The following KIAA0825 variants were observed in gnomAD, a reference collection of about 807,000 sequenced individuals.
KIAA0825 encodes the protein uncharacterized protein KIAA0825.
KIAA0825 carries 119 observed loss-of-function variants against 147.6 expected under a neutral mutation model. The ratio of observed to expected loss-of-function variants is 0.81; its 90% CI spans 0.69 to 0.94. KIAA0825 has a LOEUF of 0.94. KIAA0825 is among the 40% of genes least tolerant of loss of function. The probability of loss-of-function intolerance (pLI) is 0.00; values close to 1 mark genes in which losing one functional copy is unlikely to be tolerated. For synonymous variants in KIAA0825, 470 were observed against 518.1 expected (o/e 0.91, Z 1.26); for missense variants, 1,381 against 1,472.7 (o/e 0.94, Z 1.02).
At chr5:94,551,159 G>T (rs1436384065) in intron 2 of KIAA0825, among the ~76,000 whole-genome samples, 2 of 151,476 alleles carry the variant, frequency 1.3e-5, no homozygotes, top group African/African-American at 4.9e-5. Context: ...CTTAAAGACA[G>T]GCTTTTGAAA....
At chr5:94,317,499 T>A (rs1779762989) in intron 20 of KIAA0825, among the ~76,000 whole-genome samples, 1 of 151,882 alleles carries the variant, frequency 6.6e-6, no homozygotes, top group Admixed American at 6.6e-5. Context: ...ACACACATTG[T>A]TACTGAAGCC....
In KIAA0825 at chr5:94,328,762, A is replaced by C. The variant is rs548174468; in HGVS notation, c.3710+55606T>G. On this transcript the variant is annotated intron_variant, in intron 20 of 20. Transcript: ENST00000682413. ...AAATGTTACAATGAGAGCTAGAAAA[A>C]AAAAACTGCAGATGTTCCTTTGCAA... 1.8e-4 allele frequency among the ~76,000 whole-genome samples: 27 copies of C among 152,146 alleles called. 1 individual carries two copies. In the South Asian group the frequency reaches 5.2e-3, roughly 29 times the overall value.
At chr5:94,459,026 T>G (rs1759488747) in intron 12 of KIAA0825, among the ~76,000 whole-genome samples, 1 of 152,150 alleles carries the variant, frequency 6.6e-6, no homozygotes, top group Admixed American at 6.6e-5. Context: ...ACTCTCTGTC[T>G]CTATGGATTT....
intron 5 of KIAA0825, among the ~76,000 whole-genome samples, chr5:94,501,496 G>T (rs1424414404): frequency 2.6e-5 from 4 of 152,198 alleles, no homozygotes; most frequent in African/African-American, 4.8e-5. Flanking sequence ...AGACAAGTCT[G>T]ACTCCAAAGC....
chr5:94,462,726 A>G (rs1280582512), intron 11 of KIAA0825, among the ~76,000 whole-genome samples, 157 bp from the exon 12 acceptor site: 1 of 151,846 alleles, frequency 6.6e-6, no homozygotes, highest in Non-Finnish European at 1.5e-5. Flanking sequence ...AGAAAGTATC[A>G]AAGACACTCT....
chr5:94,161,491 T>C (rs1389518255), intron 20 of KIAA0825, among the ~76,000 whole-genome samples: 3 of 152,192 alleles, frequency 2.0e-5, no homozygotes. Flanking sequence ...GACTAATGTG[T>C]GATCATCCTT....
rs1562517749 is a variant in KIAA0825 at position 94,458,755 on chromosome 5, A to ATT, written c.2246+3631_2246+3632insAA. 1.4e-3 allele frequency among the ~76,000 whole-genome samples: 215 copies of ATT among 151,414 alleles called. 1 individual carries two copies. The highest frequency in any genetic ancestry group is 4.6e-3 in the African/African-American group (188 of 40,944). ...ATTCTGCCAGATACCTTTTTTTTAA[A>ATT]AAAAAAAAATCATTTTAAATGTGTT... On this transcript the variant is annotated intron_variant, in intron 12 of 20. Transcript: ENST00000682413.
Position 94,152,638 on chromosome 5 carries a change from C to A in KIAA0825, c.*1369G>T, listed in dbSNP as rs768099582. On this transcript the variant is annotated 3_prime_UTR_variant, in exon 21 of 21. Coordinates refer to ENST00000682413, the MANE Select transcript of KIAA0825 (RefSeq NM_001145678.3). ...TCCAGCCTGGGCAACATAGTGAGAC[C>A]TCATCTTTACAAAAAAATTAAAAAA... is the stretch of plus-strand genomic sequence containing the variant. Among the ~76,000 whole-genome samples the A allele has an allele frequency of 4.6e-4, 69 of 149,488 alleles. No homozygotes were observed. Among genetic ancestry groups the A allele is most frequent in the Non-Finnish European group, 9.5e-4 (64 of 67,384 alleles).
At chr5:94,295,293 A>G (rs1778085611) in intron 20 of KIAA0825, among the ~76,000 whole-genome samples, 1 of 151,792 alleles carries the variant, frequency 6.6e-6, no homozygotes, top group Admixed American at 6.6e-5. Flanking sequence ...TTCTTCTCTA[A>G]ACTGGTTATT....
At chr5:94,321,877 T>G (rs1180899890) in intron 20 of KIAA0825, among the ~76,000 whole-genome samples, 2 of 151,962 alleles carry the variant, frequency 1.3e-5, no homozygotes, top group Non-Finnish European at 2.9e-5. Flanking sequence ...GAGCAAGACT[T>G]TATCATAGAA....
intron 18 of KIAA0825, among the ~76,000 whole-genome samples, chr5:94,388,920 G>A (rs527287823): frequency 1.3e-5 from 2 of 152,258 alleles, no homozygotes; most frequent in African/African-American, 2.4e-5. Flanking sequence ...CTGTCAGTCT[G>A]ATGACCTCAA....
intron 1 of KIAA0825, among the ~76,000 whole-genome samples, chr5:94,613,761 C>T (rs1789585501): frequency 6.6e-6 from 1 of 152,200 alleles, no homozygotes; most frequent in South Asian, 2.1e-4. Flanking sequence ...GTTATGGATC[C>T]TCCAGAAGGG....
intron 2 of KIAA0825, chr5:94,568,719 C>T (rs1779251326): frequency 6.5e-6 from 1 of 152,852 alleles, no homozygotes; most frequent in African/African-American, 2.4e-5. Context: ...GGATTCTATC[C>T]CTGTATTATT....
In KIAA0825 at chr5:94,548,778, A is replaced by T. The variant is rs145945116; in HGVS notation, c.-1-11651T>A. 7.2e-5 allele frequency among the ~76,000 whole-genome samples: 11 copies of T among 152,308 alleles called. No homozygotes were observed. The East Asian group carries it at 2.1e-3, about 29-fold the overall frequency. ...AAACAAACAAAAGGCAGCAGTAGATATACTTGTATCAGACAAAATAGATTT... is the reference window on the plus strand; with the variant it reads ...AAACAAACAAAAGGCAGCAGTAGATTTACTTGTATCAGACAAAATAGATTT... On this transcript the variant is annotated intron_variant, in intron 2 of 20. Coordinates refer to ENST00000682413, the MANE Select transcript of KIAA0825 (RefSeq NM_001145678.3).
chr5:94,479,133 CTT>C (rs1274614862), intron 6 of KIAA0825, among the ~76,000 whole-genome samples: 2 of 152,104 alleles, frequency 1.3e-5, no homozygotes, highest in East Asian at 3.8e-4. Flanking sequence ...AGGGTTCACT[CTT>C]TGTGTTGTGC....
At chr5:94,355,651 G>T (rs549010849) in intron 20 of KIAA0825, among the ~76,000 whole-genome samples, 4 of 151,820 alleles carry the variant, frequency 2.6e-5, no homozygotes, top group Admixed American at 1.3e-4. Context: ...TCTTATACTA[G>T]GGTCATACAT....
intron 20 of KIAA0825, among the ~76,000 whole-genome samples, chr5:94,329,470 A>T (rs1781048632): frequency 6.6e-6 from 1 of 152,144 alleles, no homozygotes; most frequent in Admixed American, 6.5e-5. Flanking sequence ...TCAAAGTAGA[A>T]ATAATTCTTT....
chr5:94,340,538 A>C (rs1182239738), intron 20 of KIAA0825, among the ~76,000 whole-genome samples: 1 of 152,226 alleles, frequency 6.6e-6, no homozygotes, highest in African/African-American at 2.4e-5. Context: ...AATTCAGTGC[A>C]TCTAAGTATA....
intron 16 of KIAA0825, among the ~76,000 whole-genome samples, chr5:94,401,598 A>T (rs1219124396): frequency 4.6e-5 from 7 of 152,240 alleles, no homozygotes; most frequent in Admixed American, 3.3e-4. Context: ...TTCCTCACAT[A>T]CTGTCCTCAA....
Sources: gnomAD v4.1 joint callset for allele counts (sites outside exome capture counted in the v4.1 genomes callset) on GRCh38, gnomAD v4.1.1 for gene constraint, MANE v1.5 for transcripts, NCBI Gene and HGNC (gene_info 2026-07-23, HGNC 2026-07-21) for gene names.